ZCWPW2: variants seen among roughly 807,000 people sequenced by gnomAD.
The protein encoded by ZCWPW2 is zinc finger CW-type PWWP domain protein 2.
In ZCWPW2, 45 loss-of-function variants were observed where a neutral mutation model predicts 46.6. That is an observed-to-expected ratio of 0.96 (90% CI 0.76 to 1.24). The LOEUF is 1.24. Ranked by LOEUF, ZCWPW2 falls within the 50% of genes most tolerant of loss-of-function variation. The pLI is 0.00. For missense variants in ZCWPW2, 429 were observed against 403.9 expected (o/e 1.06, Z -0.53); for synonymous variants, 152 against 137.1 (o/e 1.11, Z -0.76).
chr3:28,386,520 G>C (rs560900084), intron 1 of ZCWPW2, among the ~76,000 whole-genome samples: 1 of 152,122 alleles, frequency 6.6e-6, no homozygotes, highest in East Asian at 1.9e-4. Context: ...ACATCATTTT[G>C]TAAAGTTCAA....
At chr3:28,503,599 A>G (rs1700204960) in intron 6 of ZCWPW2, among the ~76,000 whole-genome samples, 1 of 151,986 alleles carries the variant, frequency 6.6e-6, no homozygotes, top group African/African-American at 2.4e-5. Flanking sequence ...CAATTACACT[A>G]GTTATATTAA....
Position 28,352,615 on chromosome 3 carries a change from A to G in ZCWPW2, c.-134+3412A>G, listed in dbSNP as rs548405180. ...TGCAGAAGGACCAAATTGACTTATCAGTTGATCATTAAAAATAATTTTTGA... is the reference window on the plus strand; with the variant it reads ...TGCAGAAGGACCAAATTGACTTATCGGTTGATCATTAAAAATAATTTTTGA... On this transcript the variant is annotated intron_variant, in intron 1 of 9. Coordinates refer to ENST00000383768, the MANE Select transcript of ZCWPW2 (RefSeq NM_001040432.4). Among the ~76,000 whole-genome samples, 8 of 152,156 alleles carry G rather than the reference A, an allele frequency of 5.3e-5. No individual in the cohort carries two copies. In the South Asian group the frequency reaches 1.7e-3, roughly 32 times the overall value.
At chr3:28,409,958 G>A (rs749663705) in intron 2 of ZCWPW2, among the ~76,000 whole-genome samples, 124 of 152,020 alleles carry the variant, frequency 8.2e-4, no homozygotes, top group Admixed American at 5.9e-4. Context: ...CAGAGATAAG[G>A]AAACCCATAA....
chr3:28,506,749 C>T (rs1700289366), intron 6 of ZCWPW2, among the ~76,000 whole-genome samples: 3 of 152,066 alleles, frequency 2.0e-5, no homozygotes. Flanking sequence ...TTTGTTACAG[C>T]AGTCCTAGGA....
At chr3:28,465,789 T>C (rs1461358032) in intron 4 of ZCWPW2, among the ~76,000 whole-genome samples, 1 of 152,010 alleles carries the variant, frequency 6.6e-6, no homozygotes, top group Admixed American at 6.6e-5. Context: ...AAAACTATTA[T>C]AAACAATAGG....
intron 4 of ZCWPW2, chr3:28,478,240 AT>A: frequency 4.2e-6 from 1 of 240,188 alleles, no homozygotes; most frequent in Non-Finnish European, 8.6e-6. Flanking sequence ...AGAATTTTTT[AT>A]TTTTTATTAT....
At chr3:28,511,383 A>AT (rs1019077677) in intron 6 of ZCWPW2, among the ~76,000 whole-genome samples, 2 of 152,112 alleles carry the variant, frequency 1.3e-5, no homozygotes, top group African/African-American at 4.8e-5. Context: ...AATTTGAAAA[A>AT]TTTTTTCAAA....
intron 4 of ZCWPW2, among the ~76,000 whole-genome samples, chr3:28,465,758 C>CAA (rs61207952): frequency 6.7e-6 from 1 of 149,654 alleles, no homozygotes; most frequent in African/African-American, 2.5e-5. Context: ...AACAATCAAA[C>CAA]AAAAAAAAAC....
intron 1 of ZCWPW2, among the ~76,000 whole-genome samples, chr3:28,355,609 G>A (rs556541170): frequency 6.6e-6 from 1 of 152,196 alleles, no homozygotes; most frequent in African/African-American, 2.4e-5. Context: ...ATACTGCAAG[G>A]CTACAGTAAC....
At chr3:28,477,773 G>A (rs1441122599) in intron 4 of ZCWPW2, among the ~76,000 whole-genome samples, 1 of 151,994 alleles carries the variant, frequency 6.6e-6, no homozygotes, top group East Asian at 1.9e-4. Flanking sequence ...ATAGATAGGT[G>A]TTAATTATAG....
intron 4 of ZCWPW2, among the ~76,000 whole-genome samples, chr3:28,462,164 G>A (rs190623302): frequency 1.2e-4 from 18 of 152,242 alleles, no homozygotes; most frequent in Admixed American, 6.5e-4. Context: ...GGGCCACTGC[G>A]AGGGAGACAC....
At chr3:28,367,092 C>T (rs1184394428) in intron 1 of ZCWPW2, among the ~76,000 whole-genome samples, 1 of 152,116 alleles carries the variant, frequency 6.6e-6, no homozygotes, top group Admixed American at 6.6e-5. Flanking sequence ...TTTTAAAAGA[C>T]CAGCTCCTGG....
chr3:28,478,992 C>A, intron 5 of ZCWPW2, 61 bp downstream of exon 5: 1 of 1,099,882 alleles, frequency 9.1e-7, no homozygotes, highest in Non-Finnish European at 1.3e-6. Flanking sequence ...GCATGTTTTC[C>A]AAAATATGTT....
At chr3:28,492,973 A>G (rs745774047) in intron 6 of ZCWPW2, among the ~76,000 whole-genome samples, 5 of 151,898 alleles carry the variant, frequency 3.3e-5, no homozygotes, top group Non-Finnish European at 5.9e-5. Context: ...GTATCTATAG[A>G]TGATTAGGCA....
chr3:28,386,964 G>A (rs1005323474), intron 1 of ZCWPW2, among the ~76,000 whole-genome samples: 1 of 152,160 alleles, frequency 6.6e-6, no homozygotes, highest in African/African-American at 2.4e-5. Context: ...TGAGCCAATA[G>A]CTTCTTCTGA....
At chr3:28,394,698 A>G (rs1169698096) in intron 2 of ZCWPW2, among the ~76,000 whole-genome samples, 1 of 152,150 alleles carries the variant, frequency 6.6e-6, no homozygotes, top group Non-Finnish European at 1.5e-5. Flanking sequence ...AGAAAACTGG[A>G]TATTCACATG....
intron 2 of ZCWPW2, among the ~76,000 whole-genome samples, chr3:28,396,145 A>T (rs1695687783): frequency 6.6e-6 from 1 of 152,176 alleles, no homozygotes; most frequent in Non-Finnish European, 1.5e-5. Context: ...AGAACACAAC[A>T]AATTTCAGAG....
At chr3:28,414,336 T>G (rs1313799046) in intron 3 of ZCWPW2, among the ~76,000 whole-genome samples, 2 of 151,910 alleles carry the variant, frequency 1.3e-5, no homozygotes, top group Non-Finnish European at 1.5e-5. Context: ...TTTTCAAATC[T>G]TTTTCTCTTT....
At chr3:28,499,153 G>T (rs967634021) in intron 6 of ZCWPW2, among the ~76,000 whole-genome samples, 3 of 152,102 alleles carry the variant, frequency 2.0e-5, no homozygotes, top group Non-Finnish European at 4.4e-5. Context: ...AATCCTTTGG[G>T]TATATACCCA....
Sources: gnomAD v4.1 joint callset for allele counts (sites outside exome capture counted in the v4.1 genomes callset) on GRCh38, gnomAD v4.1.1 for gene constraint, MANE v1.5 for transcripts, NCBI Gene and HGNC (gene_info 2026-07-23, HGNC 2026-07-21) for gene names.